EYS: variants seen among roughly 807,000 people sequenced by gnomAD.
EYS encodes protein eyes shut homolog.
In EYS, 250 loss-of-function variants were observed where a neutral mutation model predicts 282.1. That is an observed-to-expected ratio of 0.89 (90% CI 0.80 to 0.98). The LOEUF (loss-of-function observed/expected upper bound fraction) is 0.98. Among genes scored for constraint, EYS ranks in the 50% least tolerant of loss-of-function variants. The pLI is 0.00. For synonymous variants in EYS, 1,355 were observed against 1,282.9 expected, an observed-to-expected ratio of 1.06 and a Z score of -1.20; for missense variants, 4,016 against 3,709.0, an observed-to-expected ratio of 1.08 and a Z score of -2.15.
intron 30 of EYS, among the ~76,000 whole-genome samples, chr6:64,238,310 G>T (rs1374920247): frequency 2.0e-5 from 3 of 152,094 alleles, no homozygotes; most frequent in East Asian, 1.9e-4. Flanking sequence ...CAGTATGAAG[G>T]GTGGATATTT....
intron 33 of EYS, among the ~76,000 whole-genome samples, chr6:64,000,066 T>C (rs568445142): frequency 2.0e-5 from 3 of 152,184 alleles, no homozygotes; most frequent in Admixed American, 6.5e-5. Flanking sequence ...TGCTTATTTG[T>C]ATTTTTTAAA....
At chr6:65,260,102 A>C (rs956614815) in intron 12 of EYS, among the ~76,000 whole-genome samples, 1 of 152,116 alleles carries the variant, frequency 6.6e-6, no homozygotes, top group South Asian at 2.1e-4. Context: ...TGGAAGGCGA[A>C]GGGGAAGCAA....
chr6:65,229,051 A>T (rs685335), intron 12 of EYS, among the ~76,000 whole-genome samples: 1 of 151,764 alleles, frequency 6.6e-6, no homozygotes, highest in African/African-American at 2.4e-5. Context: ...TAAGGAAAGA[A>T]GATTCTTGAG....
chr6:65,557,775 A>G (rs537132335), intron 2 of EYS, among the ~76,000 whole-genome samples: 1 of 152,242 alleles, frequency 6.6e-6, no homozygotes, highest in South Asian at 2.1e-4. Flanking sequence ...GGTTAGCAAA[A>G]GGCAGAGAGG....
intron 12 of EYS, among the ~76,000 whole-genome samples, chr6:65,159,582 T>C (rs1764804593): frequency 6.6e-6 from 1 of 150,814 alleles, no homozygotes; most frequent in South Asian, 2.1e-4. Flanking sequence ...CTCTATCAAT[T>C]ACCAAGCTTT....
chr6:65,371,727 CTCTCTCTCTCTCTCTGTGTGTGTGTGTG>C (rs1199384416), intron 8 of EYS, among the ~76,000 whole-genome samples: 3 of 129,668 alleles, frequency 2.3e-5, no homozygotes, highest in Admixed American at 8.0e-5. Context: ...CTCTCTCTCT[CTCTCTCTCTCTCTCTGTGTGTGTGTGTG>C]TGTGTGTGTG....
At chr6:64,356,954 C>A (rs978728496) in intron 29 of EYS, among the ~76,000 whole-genome samples, 2 of 151,430 alleles carry the variant, frequency 1.3e-5, no homozygotes, top group Non-Finnish European at 3.0e-5. Context: ...TAAATCCAAG[C>A]CCTAAAGACA....
intron 19 of EYS, among the ~76,000 whole-genome samples, chr6:64,828,599 T>C (rs1765127099): frequency 6.6e-6 from 1 of 152,010 alleles, no homozygotes; most frequent in Non-Finnish European, 1.5e-5. Context: ...CTGGCATGTC[T>C]GGGTAGTTGT....
At position 63,858,309 on chromosome 6, in the gene EYS, C is replaced by T. The variant is rs138920311; in HGVS notation, c.7228+5877G>A. 4.5e-4 allele frequency among the ~76,000 whole-genome samples: 68 copies of T among 152,250 alleles called. No homozygotes were observed. In the East Asian group the frequency reaches 0.011, roughly 25 times the overall value. ...TCCTGACCTCAGGTGATCCACCCACCGCGGCTTCCCAAAGTACTAGGATTA... is the reference window on the plus strand; with the variant it reads ...TCCTGACCTCAGGTGATCCACCCACTGCGGCTTCCCAAAGTACTAGGATTA... On this transcript the variant is annotated intron_variant, in intron 36 of 42. Coordinates refer to ENST00000503581, the MANE Select transcript of EYS (RefSeq NM_001142800.2).
chr6:65,487,487 C>T (rs1028738353), intron 5 of EYS, among the ~76,000 whole-genome samples: 11 of 152,094 alleles, frequency 7.2e-5, no homozygotes, highest in East Asian at 1.9e-4. Flanking sequence ...TGTTGATTTG[C>T]GTATGTTTAA....
intron 22 of EYS, among the ~76,000 whole-genome samples, chr6:64,740,162 A>G (rs1295754963): frequency 6.6e-6 from 1 of 152,126 alleles, no homozygotes; most frequent in Admixed American, 6.5e-5. Context: ...CCTCCTCATC[A>G]GAACCCCCAG....
chr6:64,717,955 A>G (rs1340092638), intron 22 of EYS, among the ~76,000 whole-genome samples: 2 of 152,202 alleles, frequency 1.3e-5, no homozygotes, highest in Non-Finnish European at 2.9e-5. Flanking sequence ...ATGAATGCAG[A>G]GAGGAAAGAG....
intron 2 of EYS, among the ~76,000 whole-genome samples, chr6:65,591,312 C>T (rs201753219): frequency 6.6e-6 from 1 of 151,852 alleles, no homozygotes. Context: ...AATCCTCCCC[C>T]CTCAGCCTCC....
chr6:64,983,694 G>A (rs1770757019), intron 14 of EYS, among the ~76,000 whole-genome samples: 1 of 151,220 alleles, frequency 6.6e-6, no homozygotes, highest in Non-Finnish European at 1.5e-5. Flanking sequence ...TTTAACAACA[G>A]GTGCTGAACA....
intron 2 of EYS, among the ~76,000 whole-genome samples, chr6:65,513,362 C>A (rs1171800741): frequency 2.6e-5 from 4 of 152,092 alleles, no homozygotes; most frequent in Non-Finnish European, 5.9e-5. Flanking sequence ...ACCAGAGGTA[C>A]AAGGAGGAAC....
intron 32 of EYS, among the ~76,000 whole-genome samples, chr6:64,066,765 C>T (rs1185928791): frequency 6.6e-6 from 1 of 152,044 alleles, no homozygotes; most frequent in Non-Finnish European, 1.5e-5. Context: ...CTATTTTAAA[C>T]CTGTTTCCCC....
At chr6:63,971,329 T>G (rs1319956791) in intron 35 of EYS, among the ~76,000 whole-genome samples, 1 of 152,214 alleles carries the variant, frequency 6.6e-6, no homozygotes. Context: ...GCCTTCTATA[T>G]GCATGGTAAT....
intron 13 of EYS, among the ~76,000 whole-genome samples, chr6:65,057,381 A>T (rs1773448800): frequency 6.6e-6 from 1 of 152,112 alleles, no homozygotes; most frequent in African/African-American, 2.4e-5. Flanking sequence ...TTCATTGGTG[A>T]CCTTTCAAAT....
intron 28 of EYS, among the ~76,000 whole-genome samples, chr6:64,391,988 A>G (rs1433598796): frequency 6.6e-6 from 1 of 151,882 alleles, no homozygotes; most frequent in Non-Finnish European, 1.5e-5. Context: ...AGTCTCTGAT[A>G]AAACAGACTT....
Sources: allele counts gnomAD v4.1 joint callset (sites outside exome capture counted in the v4.1 genomes callset), GRCh38; gene constraint gnomAD v4.1.1; transcripts MANE v1.5; gene names NCBI Gene and HGNC (gene_info 2026-07-23, HGNC 2026-07-21).